The following MACF1 variants were observed in gnomAD, a reference collection of about 807,000 sequenced individuals.
The protein encoded by MACF1 is microtubule-actin cross-linking factor 1.
MACF1 carries 193 observed loss-of-function variants against 854.8 expected under a neutral mutation model. The ratio of observed to expected loss-of-function variants is 0.23; its 90% CI spans 0.20 to 0.25. The LOEUF is 0.25. Among genes scored for constraint, MACF1 ranks in the 10% least tolerant of loss-of-function variants. The pLI is 1.00. For missense variants in MACF1, 7,722 were observed against 8,929.1 expected, an observed-to-expected ratio of 0.86 and a Z score of 5.45; for synonymous variants, 3,185 against 3,226.7, an observed-to-expected ratio of 0.99 and a Z score of 0.44.
intron 58 of MACF1, among the ~76,000 whole-genome samples, chr1:39,389,144 G>C (rs1014558761): frequency 3.2e-4 from 48 of 151,448 alleles, no homozygotes; most frequent in African/African-American, 1.1e-3. Flanking sequence ...CCAAAGTGTT[G>C]GGATTACAGG....
intron 97 of MACF1, among the ~76,000 whole-genome samples, chr1:39,476,928 TG>T (rs1430304262): frequency 6.7e-6 from 1 of 148,458 alleles, no homozygotes; most frequent in East Asian, 2.0e-4. Context: ...CAAGGACGCC[TG>T]CTCCCTTGCT....
chr1:39,466,704 C>T (rs1437462303), intron 95 of MACF1, among the ~76,000 whole-genome samples: 1 of 152,220 alleles, frequency 6.6e-6, no homozygotes, highest in Admixed American at 6.5e-5. Flanking sequence ...AGGGGGCTCT[C>T]ACAGAGCCTG....
chr1:39,369,213 GAA>G (rs899214913), intron 50 of MACF1, among the ~76,000 whole-genome samples: 2 of 152,048 alleles, frequency 1.3e-5, no homozygotes, highest in African/African-American at 4.8e-5. Flanking sequence ...GCAAACAAGG[GAA>G]TATATGACAA....
intron 58 of MACF1, among the ~76,000 whole-genome samples, chr1:39,421,059 G>A (rs971965635): frequency 1.7e-4 from 26 of 151,926 alleles, no homozygotes; most frequent in Non-Finnish European, 3.7e-4. Flanking sequence ...TAGAGACAGG[G>A]TTTCACCATG....
chr1:39,323,428 A>G (rs1329319753), intron 33 of MACF1, among the ~76,000 whole-genome samples: 2 of 151,208 alleles, frequency 1.3e-5, no homozygotes, highest in Non-Finnish European at 2.9e-5. Context: ...AGCAAAATAT[A>G]TGCTATATAT....
chr1:39,138,448 G>A (rs1416514715), intron 2 of MACF1, among the ~76,000 whole-genome samples: 1 of 151,632 alleles, frequency 6.6e-6, no homozygotes, highest in African/African-American at 2.4e-5. Flanking sequence ...AGCCGGGCAT[G>A]GTGGCGGGTG....
At chr1:39,364,482 A>G (rs1648498487) in intron 49 of MACF1, among the ~76,000 whole-genome samples, 1 of 151,154 alleles carries the variant, frequency 6.6e-6, no homozygotes, top group African/African-American at 2.4e-5. Flanking sequence ...GTTTTTTGCC[A>G]TGTAAACGTG....
intron 21 of MACF1, among the ~76,000 whole-genome samples, chr1:39,299,528 G>A (rs1645997779): frequency 6.6e-6 from 1 of 152,150 alleles, no homozygotes; most frequent in East Asian, 1.9e-4. Flanking sequence ...TGGATTTGCA[G>A]AGATTTGAGA....
At chr1:39,200,592 G>T (rs573431549), upstream of MACF1, among the ~76,000 whole-genome samples, 15 of 152,130 alleles carry the variant, frequency 9.9e-5, no homozygotes, top group African/African-American at 2.4e-4. Context: ...CCAGCTTCTT[G>T]GGAGGCTGAG....
At chr1:39,292,275 T>C (rs1469333946) in intron 16 of MACF1, among the ~76,000 whole-genome samples, 3 of 152,234 alleles carry the variant, frequency 2.0e-5, no homozygotes, top group Non-Finnish European at 4.4e-5. Flanking sequence ...AAAGTGATAC[T>C]GGAAGCTGAG....
At chr1:39,458,705 G>T in intron 90 of MACF1, 3 of 596,300 alleles carry the variant, frequency 5.0e-6, no homozygotes, top group East Asian at 3.0e-5. Flanking sequence ...ATTACGAGGT[G>T]GTTAAGCTTA....
At chr1:39,248,733 C>T (rs976974138) in intron 2 of MACF1, among the ~76,000 whole-genome samples, 3 of 152,072 alleles carry the variant, frequency 2.0e-5, no homozygotes, top group African/African-American at 7.2e-5. Context: ...TTGTGAACAT[C>T]ACCTTTTTTT....
At chr1:39,089,285 AGGATTGGATCCCTCTC>A (rs1164981033) in intron 2 of MACF1, among the ~76,000 whole-genome samples, 3 of 152,202 alleles carry the variant, frequency 2.0e-5, no homozygotes, top group Non-Finnish European at 2.9e-5. Flanking sequence ...CTCAGAGCTA[AGGATTGGATCCCTCTC>A]TGGTTGTTCA....
intron 58 of MACF1, among the ~76,000 whole-genome samples, chr1:39,408,437 C>T (rs1316361246): frequency 1.3e-5 from 2 of 152,162 alleles, no homozygotes; most frequent in African/African-American, 2.4e-5. Context: ...AAAGGTGACA[C>T]TGGAAGGAGC....
At chr1:39,111,328 T>G (rs1642397828) in intron 2 of MACF1, among the ~76,000 whole-genome samples, 1 of 152,098 alleles carries the variant, frequency 6.6e-6, no homozygotes, top group African/African-American at 2.4e-5. Flanking sequence ...CCGGAGTAGC[T>G]AGGATTAAAG....
At chr1:39,479,093 C>G (rs1417638184) in intron 97 of MACF1, among the ~76,000 whole-genome samples, 1 of 152,214 alleles carries the variant, frequency 6.6e-6, no homozygotes, top group Non-Finnish European at 1.5e-5. Context: ...CGCTAACTGG[C>G]TTCCCGTGCC....
rs1448734773 is a variant in MACF1, at chr1:39,409,137, C to T, written c.15817-13237C>T. 6.6e-6 allele frequency among the ~76,000 whole-genome samples: 1 copy of T among 152,060 alleles called. No individual in the cohort carries two copies. The highest frequency in any genetic ancestry group is 1.5e-5 in the Non-Finnish European group (1 of 67,988). Reference sequence around the variant, plus strand: ...GCGCGGGGGAGGAGGACTCGCCCCCCGCCCGACCCTAGCGGAGCCTTTTGT... The same window carrying T: ...GCGCGGGGGAGGAGGACTCGCCCCCTGCCCGACCCTAGCGGAGCCTTTTGT... On this transcript the variant is annotated intron_variant, in intron 58 of 100. Coordinates refer to ENST00000564288, the MANE Select transcript of MACF1 (RefSeq NM_001394062.1). This position sits in a 1 kb window ranked among gnomAD's most constrained non-coding sequence, Gnocchi z 4.2.
chr1:39,178,636 G>A (rs1383470655), intron 2 of MACF1, among the ~76,000 whole-genome samples: 4 of 152,084 alleles, frequency 2.6e-5, no homozygotes, highest in South Asian at 2.1e-4. Flanking sequence ...CTGAATTCCC[G>A]TGTGGAGGCT....
chr1:39,250,473 A>G (rs896538832), intron 3 of MACF1, among the ~76,000 whole-genome samples: 6 of 152,154 alleles, frequency 3.9e-5, no homozygotes, highest in African/African-American at 1.2e-4. Flanking sequence ...GCTCTAGTCT[A>G]TATAGACGCC....
Sources: gnomAD v4.1 joint callset for allele counts (sites outside exome capture counted in the v4.1 genomes callset) on GRCh38, gnomAD v4.1.1 for gene constraint, Gnocchi (gnomAD v3.1) non-coding constraint, MANE v1.5 for transcripts, NCBI Gene and HGNC (gene_info 2026-07-23, HGNC 2026-07-21) for gene names.